The following IMMP1L variants were observed in gnomAD, a reference collection of about 807,000 sequenced individuals.
The protein encoded by IMMP1L is inner mitochondrial membrane peptidase subunit 1, also known as mitochondrial inner membrane protease subunit 1.
A neutral mutation model predicts 21.8 loss-of-function variants in IMMP1L; 24 were observed. The observed-to-expected ratio is 1.10, with a 90% CI of 0.80 to 1.55. The LOEUF (loss-of-function observed/expected upper bound fraction) is 1.55, where lower values mean the gene tolerates loss of function less well. Among genes scored for constraint, IMMP1L ranks in the 40% most tolerant of loss-of-function variants. The probability of loss-of-function intolerance (pLI) is 0.00; values close to 1 mark genes in which losing one functional copy is unlikely to be tolerated. For synonymous variants in IMMP1L, 46 were observed against 62.8 expected (o/e 0.73, Z 1.26); for missense variants, 195 against 200.7 (o/e 0.97, Z 0.17).
intron 1 of IMMP1L, among the ~76,000 whole-genome samples, chr11:31,468,368 C>T (rs1191172904): frequency 1.3e-5 from 2 of 152,130 alleles, no homozygotes; most frequent in Non-Finnish European, 2.9e-5. Context: ...ATCATGGATA[C>T]AGAGAGATGA....
At chr11:31,466,549 T>C (rs1207365451) in intron 1 of IMMP1L, among the ~76,000 whole-genome samples, 2 of 152,102 alleles carry the variant, frequency 1.3e-5, no homozygotes, top group Non-Finnish European at 2.9e-5. Context: ...AAACATGCTA[T>C]ACATACACAA....
chr11:31,505,610 G>A (rs952183555), intron 1 of IMMP1L, among the ~76,000 whole-genome samples: 6 of 152,280 alleles, frequency 3.9e-5, no homozygotes, highest in African/African-American at 1.4e-4. Flanking sequence ...TTAGAGAGCT[G>A]AAAAAGCAAA....
chr11:31,496,600 A>C (rs918218789), intron 1 of IMMP1L, among the ~76,000 whole-genome samples: 2 of 151,436 alleles, frequency 1.3e-5, no homozygotes, highest in African/African-American at 4.9e-5. Flanking sequence ...TGAATGGATA[A>C]ACAAACTGTG....
intron 1 of IMMP1L, among the ~76,000 whole-genome samples, chr11:31,503,825 C>T (rs1307261129): frequency 6.6e-6 from 1 of 152,192 alleles, no homozygotes; most frequent in Non-Finnish European, 1.5e-5. Context: ...GAGGTCCCCA[C>T]AGTACAGTGT....
At chr11:31,500,212 G>A (rs1455156333) in intron 1 of IMMP1L, among the ~76,000 whole-genome samples, 4 of 151,802 alleles carry the variant, frequency 2.6e-5, no homozygotes, top group African/African-American at 7.3e-5. Context: ...CAAAGAAAGA[G>A]AAAACCCACT....
intron 4 of IMMP1L, chr11:31,452,248 A>T: frequency 1.0e-6 from 1 of 985,034 alleles, no homozygotes; most frequent in Non-Finnish European, 1.2e-6. Flanking sequence ...CCATATTTCA[A>T]AATGCCTATT....
intron 1 of IMMP1L, among the ~76,000 whole-genome samples, chr11:31,489,055 C>A (rs922615687): frequency 6.6e-6 from 1 of 151,886 alleles, no homozygotes; most frequent in Non-Finnish European, 1.5e-5. Context: ...CGCCACCATG[C>A]CCAGCTAATT....
chr11:31,468,764 T>G (rs1369563100), intron 1 of IMMP1L, among the ~76,000 whole-genome samples: 1 of 152,110 alleles, frequency 6.6e-6, no homozygotes, highest in African/African-American at 2.4e-5. Context: ...AAGAAAAATA[T>G]AGTAAAGTGA....
chr11:31,466,388 A>G (rs1181773465), intron 1 of IMMP1L, among the ~76,000 whole-genome samples: 7 of 152,138 alleles, frequency 4.6e-5, no homozygotes, highest in Admixed American at 4.6e-4. Context: ...AATTCTCTCA[A>G]TTCTGCTACT....
At chr11:31,492,669 T>C (rs1955295082) in intron 1 of IMMP1L, among the ~76,000 whole-genome samples, 1 of 152,174 alleles carries the variant, frequency 6.6e-6, no homozygotes. Flanking sequence ...GACCACTGTA[T>C]GGTTAATTTT....
intron 3 of IMMP1L, 48 bp from the exon 4 acceptor site, chr11:31,456,434 A>G (rs1400861481): frequency 4.0e-6 from 6 of 1,493,728 alleles, no homozygotes; most frequent in Admixed American, 1.7e-5. Flanking sequence ...ATTAAGCAAA[A>G]ACACATGCAT....
At chr11:31,471,515 A>G (rs1223083) in intron 1 of IMMP1L, among the ~76,000 whole-genome samples, 55,313 of 151,996 alleles carry the variant, frequency 0.36, 12,393 homozygotes, top group African/African-American at 0.64. Context: ...TTATATATAT[A>G]TCTTCAATTT....
intron 1 of IMMP1L, among the ~76,000 whole-genome samples, chr11:31,480,463 C>G (rs1954857589): frequency 1.3e-5 from 2 of 152,016 alleles, no homozygotes; most frequent in Admixed American, 6.6e-5. Context: ...ACAACTGATA[C>G]TATACAACTA....
chr11:31,491,987 C>G (rs1402264969), intron 1 of IMMP1L, among the ~76,000 whole-genome samples: 1 of 152,126 alleles, frequency 6.6e-6, no homozygotes, highest in African/African-American at 2.4e-5. Flanking sequence ...TCCTAAGGGC[C>G]TTGGGATTTT....
chr11:31,489,087 C>G (rs761331633), intron 1 of IMMP1L, among the ~76,000 whole-genome samples: 31 of 151,784 alleles, frequency 2.0e-4, no homozygotes, highest in Non-Finnish European at 2.6e-4. Context: ...TTAGTAGAGA[C>G]GGGGTTTCAC....
At chr11:31,495,016 C>A (rs1359171215) in intron 1 of IMMP1L, among the ~76,000 whole-genome samples, 1 of 152,144 alleles carries the variant, frequency 6.6e-6, no homozygotes, top group Admixed American at 6.5e-5. Context: ...CCACCAGATA[C>A]CCTAAATCAT....
At chr11:31,505,274 A>G (rs1955741252) in intron 1 of IMMP1L, among the ~76,000 whole-genome samples, 1 of 152,050 alleles carries the variant, frequency 6.6e-6, no homozygotes, top group South Asian at 2.1e-4. Flanking sequence ...CATTGTGGAC[A>G]TGGAAAAAAT....
intron 1 of IMMP1L, among the ~76,000 whole-genome samples, chr11:31,484,565 C>G (rs1285964802): frequency 6.6e-6 from 1 of 151,846 alleles, no homozygotes; most frequent in Non-Finnish European, 1.5e-5. Context: ...ACACACAAAG[C>G]TACAATGAAA....
intron 1 of IMMP1L, among the ~76,000 whole-genome samples, chr11:31,494,819 G>C (rs1955380821): frequency 6.6e-6 from 1 of 151,948 alleles, no homozygotes; most frequent in African/African-American, 2.4e-5. Flanking sequence ...CTAATTTTTT[G>C]TATTTTTAGT....
Sources: allele counts gnomAD v4.1 joint callset (sites outside exome capture counted in the v4.1 genomes callset), GRCh38; gene constraint gnomAD v4.1.1; transcripts MANE v1.5; gene names NCBI Gene and HGNC (gene_info 2026-07-23, HGNC 2026-07-21).